The following RELN variants were observed in gnomAD, a reference collection of about 807,000 sequenced individuals.
RELN encodes reelin.
RELN carries 108 observed loss-of-function variants against 427.6 expected under a neutral mutation model. The observed-to-expected ratio is 0.25, with a 90% CI of 0.22 to 0.30. The LOEUF (loss-of-function observed/expected upper bound fraction) is 0.30, where lower values mean the gene tolerates loss of function less well. Ranked by LOEUF, RELN falls within the 10% of genes least tolerant of loss-of-function variation. The pLI, the probability that RELN is intolerant of heterozygous loss-of-function variation, is 1.00. For synonymous variants in RELN, 1,524 were observed against 1,513.4 expected (o/e 1.01, Z -0.16); for missense variants, 3,715 against 4,302.8 (o/e 0.86, Z 3.82).
intron 4 of RELN, among the ~76,000 whole-genome samples, chr7:103,761,322 T>C (rs1359450113): frequency 6.6e-6 from 1 of 152,226 alleles, no homozygotes; most frequent in African/African-American, 2.4e-5. Context: ...CTTACCATGC[T>C]CATGTCACCA....
chr7:103,610,516 T>C (rs920626925), intron 22 of RELN, among the ~76,000 whole-genome samples, 179 bp downstream of exon 22: 1 of 152,184 alleles, frequency 6.6e-6, no homozygotes, highest in African/African-American at 2.4e-5. Context: ...TTTTCAAATA[T>C]CATTCACATA....
At chr7:103,889,684 A>G (rs1190805831) in intron 2 of RELN, among the ~76,000 whole-genome samples, 3 of 152,136 alleles carry the variant, frequency 2.0e-5, no homozygotes, top group African/African-American at 7.2e-5. Context: ...GAGACACTGA[A>G]ACTACAAAGG....
At chr7:103,856,372 C>A (rs999656272) in intron 2 of RELN, among the ~76,000 whole-genome samples, 1 of 151,642 alleles carries the variant, frequency 6.6e-6, no homozygotes, top group African/African-American at 2.4e-5. Context: ...GAGTTCAAGA[C>A]AAGCCTGACC....
In RELN at chr7:103,551,081, C is replaced by G. The variant is rs1345151350; in HGVS notation, c.6288G>C (p.Lys2096Asn). 6.2e-7 allele frequency: 1 copy of G among 1,613,366 alleles called. No homozygotes were observed. The highest frequency in any genetic ancestry group is 1.7e-5 in the Admixed American group (1 of 60,004). ...GWRREVVHFG[K>N]LHLCGSVRFR... ...CGGGTCCTTACCCACAAAGGTGCAG[C>G]TTCCCAAAGTGCACGACCTCCCTCC... The change falls in exon 41 of 65, where the codon AAG (lysine) becomes AAC (asparagine). Residue 2096 changes from lysine (K) to asparagine (N), a missense_variant. This residue lies in a region of RELN where 1,310 missense variants were observed against 1,643.0 expected (regional missense o/e 0.80). Transcript: ENST00000428762.
At position 103,953,971 on chromosome 7, in the gene RELN, G is replaced by A. The variant is rs913782070; in HGVS notation, c.226+35160C>T. On this transcript the variant is annotated intron_variant, in intron 1 of 64. Transcript: ENST00000428762. The surrounding 1 kb of genome is among the most constrained non-coding windows in gnomAD (Gnocchi z 4.3). Reference sequence around the variant, plus strand: ...AACAACAATAACAACAAAAACAGGCGGGGCATAGTGGCTCACGCCTGTAAT... The same window carrying A: ...AACAACAATAACAACAAAAACAGGCAGGGCATAGTGGCTCACGCCTGTAAT... Among the ~76,000 whole-genome samples the A allele has an allele frequency of 4.0e-5, 6 of 150,790 alleles. No homozygotes were observed. Among genetic ancestry groups the A allele is most frequent in the African/African-American group, 7.3e-5 (3 of 40,996 alleles).
chr7:103,729,979 A>G (rs1352517311), intron 6 of RELN, among the ~76,000 whole-genome samples: 1 of 152,048 alleles, frequency 6.6e-6, no homozygotes, highest in African/African-American at 2.4e-5. Flanking sequence ...AATTCTTTAA[A>G]CTGATTGGGA....
Position 103,498,108 on chromosome 7 carries a change from C to A in RELN, c.8812G>T (p.Val2938Phe). The change falls in exon 54 of 65, where the codon GTT (valine) becomes TTT (phenylalanine). Residue 2938 changes from valine (V) to phenylalanine (F), a missense_variant. Transcript: ENST00000428762. ...YFGGSTVRQA[V>F]TQDLDLRGAK... ...CCTCGAAGATCCAAATCTTGTGTAA[C>A]CGCTTGTCTCACAGTGGATCCCCCA... 1.2e-6 allele frequency: 2 copies of A among 1,614,126 alleles called. No homozygotes were observed. Among genetic ancestry groups the A allele is most frequent in the Non-Finnish European group, 1.7e-6 (2 of 1,180,014 alleles).
At chr7:103,650,644 G>C (rs546262352) in intron 15 of RELN, among the ~76,000 whole-genome samples, 1 of 152,050 alleles carries the variant, frequency 6.6e-6, no homozygotes, top group African/African-American at 2.4e-5. Flanking sequence ...TTTATTGTTA[G>C]AGACAGGGTC....
intron 6 of RELN, among the ~76,000 whole-genome samples, chr7:103,738,504 T>C (rs2115994718): frequency 6.6e-6 from 1 of 152,080 alleles, no homozygotes; most frequent in South Asian, 2.1e-4. Flanking sequence ...CCTCTCATGA[T>C]ATACAACATA....
At chr7:103,616,183 T>G (rs995170442) in intron 20 of RELN, among the ~76,000 whole-genome samples, 18 of 152,120 alleles carry the variant, frequency 1.2e-4, no homozygotes, top group Admixed American at 2.0e-4. Context: ...CTAAGCAACA[T>G]TCTATTATTT....
intron 57 of RELN, among the ~76,000 whole-genome samples, chr7:103,494,365 T>TTTTGTGTGTGTGTGTGTGTGTGTG (rs1828762534): frequency 4.2e-5 from 5 of 118,256 alleles, no homozygotes; most frequent in African/African-American, 1.7e-4. Context: ...GTAATGACTT[T>TTTTGTGTGTGTGTGTGTGTGTGTG]TGTGTGTGTG....
intron 54 of RELN, 66 bp downstream of exon 54, chr7:103,498,011 G>T: frequency 6.3e-7 from 1 of 1,598,740 alleles, no homozygotes; most frequent in Non-Finnish European, 8.6e-7. Flanking sequence ...TTCCATACAA[G>T]TGTTCCTTGC....
intron 1 of RELN, among the ~76,000 whole-genome samples, chr7:103,935,951 G>GTCTC (rs562110184): frequency 6.6e-6 from 1 of 151,722 alleles, no homozygotes; most frequent in Non-Finnish European, 1.5e-5. Flanking sequence ...CCTTTAACAT[G>GTCTC]TCTCTCTCTC....
intron 10 of RELN, among the ~76,000 whole-genome samples, chr7:103,695,574 T>C (rs1833961406): frequency 6.6e-6 from 1 of 152,068 alleles, no homozygotes; most frequent in Non-Finnish European, 1.5e-5. Flanking sequence ...GGTAACAAAG[T>C]ACATGCAATG....
chr7:103,759,337 C>A (rs1584470521), intron 4 of RELN, among the ~76,000 whole-genome samples: 1 of 152,190 alleles, frequency 6.6e-6, no homozygotes, highest in East Asian at 1.9e-4. Context: ...ATAAGCAATT[C>A]ATATCACAAG....
At position 103,907,414 on chromosome 7, in the gene RELN, G is replaced by GAAAAAAAAAAAAAAAAAAAAA. The variant is rs1795234328; in HGVS notation, c.337+9660_337+9661insTTTTTTTTTTTTTTTTTTTTT. Among the ~76,000 whole-genome samples, 6 of 39,714 alleles carry GAAAAAAAAAAAAAAAAAAAAA rather than the reference G, an allele frequency of 1.5e-4. 3 individuals are homozygous for GAAAAAAAAAAAAAAAAAAAAA. The highest frequency in any genetic ancestry group is 2.5e-4 in the African/African-American group (2 of 7,850). The allele number at this position is 39,714 out of a possible 152,430, so 26.1% of individuals were successfully genotyped here. On this transcript the variant is annotated intron_variant, in intron 2 of 64. Coordinates refer to ENST00000428762, the MANE Select transcript of RELN (RefSeq NM_005045.4). ...GCCTGGGCAACAAGATCAAGGCTCT[G>GAAAAAAAAAAAAAAAAAAAAA]GAAAAAAAAAAAAAAAAAAAAAAAA... is the stretch of plus-strand genomic sequence containing the variant.
At chr7:103,911,352 C>T (rs1795361498) in intron 2 of RELN, among the ~76,000 whole-genome samples, 1 of 149,586 alleles carries the variant, frequency 6.7e-6, no homozygotes, top group South Asian at 2.2e-4. Context: ...AGTCAGGAAA[C>T]AACAGGTGCT....
chr7:103,770,684 GT>G (rs1450309439), intron 4 of RELN, among the ~76,000 whole-genome samples: 4 of 151,432 alleles, frequency 2.6e-5, no homozygotes, highest in African/African-American at 9.7e-5. Flanking sequence ...AATAATAATG[GT>G]ACATATTTAT....
At chr7:103,666,163 C>CTTG in intron 11 of RELN, among the ~76,000 whole-genome samples, 1 of 151,894 alleles carries the variant, frequency 6.6e-6, no homozygotes, top group Non-Finnish European at 1.5e-5. Context: ...GTCTTGGGCT[C>CTTG]AAGCGAACCG....
Sources: gnomAD v4.1 joint callset for allele counts (sites outside exome capture counted in the v4.1 genomes callset) on GRCh38, gnomAD v4.1.1 for gene constraint, gnomAD v4.1.1 regional missense constraint, Gnocchi (gnomAD v3.1) non-coding constraint, MANE v1.5 for transcripts, NCBI Gene and HGNC (gene_info 2026-07-23, HGNC 2026-07-21) for gene names.